SETBP1: variants seen among roughly 807,000 people sequenced by gnomAD.
The protein encoded by SETBP1 is SET-binding protein.
In SETBP1, 9 loss-of-function variants were observed where a neutral mutation model predicts 101.0. That is an observed-to-expected ratio of 0.09 (90% CI 0.05 to 0.16). The LOEUF (loss-of-function observed/expected upper bound fraction) is 0.16, where lower values mean the gene tolerates loss of function less well. Among genes scored for constraint, SETBP1 ranks in the 10% least tolerant of loss-of-function variants. The pLI is 1.00. For synonymous variants in SETBP1, 818 were observed against 788.5 expected, an observed-to-expected ratio of 1.04 and a Z score of -0.63; for missense variants, 1,858 against 2,033.8, an observed-to-expected ratio of 0.91 and a Z score of 1.66.
chr18:44,778,174 T>C (rs2144667098), intron 2 of SETBP1, among the ~76,000 whole-genome samples: 1 of 152,278 alleles, frequency 6.6e-6, no homozygotes, highest in Admixed American at 6.5e-5. Context: ...GATACTGAGC[T>C]GGCCTTGTAT....
intron 3 of SETBP1, among the ~76,000 whole-genome samples, chr18:44,875,527 C>CAAAAAAA (rs10645515): frequency 7.3e-4 from 45 of 61,510 alleles, no homozygotes; most frequent in South Asian, 1.9e-3. Context: ...GACTCCATCT[C>CAAAAAAA]AAAAAAAAAA....
chr18:45,055,106 T>C (rs2073786853), intron 5 of SETBP1, among the ~76,000 whole-genome samples: 2 of 152,180 alleles, frequency 1.3e-5, no homozygotes, highest in Admixed American at 1.3e-4. Context: ...TGTTCTTTGT[T>C]TTGAAGGGTA....
At position 45,068,152 on chromosome 18, in the gene SETBP1, A is replaced by T. The variant is rs764468137; in HGVS notation, c.*4454A>T. ...CATGTTCTACTTTGATTGTATGTAAACATATTTTAGAACAAAAAATGTATT... is the reference window on the plus strand; with the variant it reads ...CATGTTCTACTTTGATTGTATGTAATCATATTTTAGAACAAAAAATGTATT... On this transcript the variant is annotated 3_prime_UTR_variant, in exon 6 of 6. Coordinates refer to ENST00000649279, the MANE Select transcript of SETBP1 (RefSeq NM_015559.3). 1 of 152,214 alleles carries T rather than the reference A, an allele frequency of 6.6e-6. No individual in the cohort carries two copies. The highest frequency in any genetic ancestry group is 1.5e-5 in the Non-Finnish European group (1 of 68,036). The allele number at this position is 152,214 out of a possible 1,614,324, so 9.4% of individuals were successfully genotyped here.
At chr18:45,026,520 A>G in intron 4 of SETBP1, among the ~76,000 whole-genome samples, 1 of 152,210 alleles carries the variant, frequency 6.6e-6, no homozygotes, top group East Asian at 1.9e-4. Context: ...GTTCAGCAAT[A>G]GCCTGTAACA....
chr18:44,810,524 C>A (rs1230373942), intron 2 of SETBP1, among the ~76,000 whole-genome samples: 1 of 152,142 alleles, frequency 6.6e-6, no homozygotes, highest in Non-Finnish European at 1.5e-5. Flanking sequence ...AATAATGGAA[C>A]CCCCAAACAG....
chr18:44,888,539 A>G (rs1047976860), intron 3 of SETBP1, among the ~76,000 whole-genome samples: 12 of 152,160 alleles, frequency 7.9e-5, no homozygotes, highest in African/African-American at 2.9e-4. Context: ...GTAGCAGATA[A>G]GAAAGCTTTG....
chr18:44,859,353 T>TG (rs2073033152), intron 2 of SETBP1, among the ~76,000 whole-genome samples: 1 of 152,052 alleles, frequency 6.6e-6, no homozygotes, highest in Non-Finnish European at 1.5e-5. Flanking sequence ...GAGGCATGGC[T>TG]GGCAGTGGTA....
chr18:44,956,491 A>G (rs1304976625), intron 4 of SETBP1, among the ~76,000 whole-genome samples: 9 of 152,012 alleles, frequency 5.9e-5, no homozygotes, highest in Admixed American at 5.3e-4. Flanking sequence ...GAGGGTCATG[A>G]TTGGAAATAA....
At chr18:44,851,938 C>T (rs1175656894) in intron 2 of SETBP1, among the ~76,000 whole-genome samples, 1 of 152,230 alleles carries the variant, frequency 6.6e-6, no homozygotes, top group East Asian at 1.9e-4. Context: ...TGAGTGCCAA[C>T]AGCTGCCTGC....
At chr18:44,776,999 T>C (rs954375063) in intron 2 of SETBP1, among the ~76,000 whole-genome samples, 1 of 152,166 alleles carries the variant, frequency 6.6e-6, no homozygotes, top group Non-Finnish European at 1.5e-5. Context: ...GCAGAGATGC[T>C]TTAGAGGCCA....
chr18:44,875,388 C>T (rs776938201), intron 3 of SETBP1, among the ~76,000 whole-genome samples: 4 of 151,910 alleles, frequency 2.6e-5, no homozygotes, highest in South Asian at 2.1e-4. Flanking sequence ...CGTGGTGCTG[C>T]GTGCCTGTAG....
chr18:44,982,119 G>T (rs1349588983), intron 4 of SETBP1, among the ~76,000 whole-genome samples: 1 of 152,236 alleles, frequency 6.6e-6, no homozygotes, highest in African/African-American at 2.4e-5. Context: ...AACTGAAGTT[G>T]CTGTAGAGTA....
chr18:44,688,696 G>A (rs531347543), intron 1 of SETBP1, among the ~76,000 whole-genome samples: 8 of 151,916 alleles, frequency 5.3e-5, no homozygotes, highest in Non-Finnish European at 1.0e-4. Context: ...CTCATGATCC[G>A]CCTGCCTCGG....
chr18:44,731,159 CG>C (rs2069830046), intron 2 of SETBP1, among the ~76,000 whole-genome samples: 1 of 152,108 alleles, frequency 6.6e-6, no homozygotes, highest in African/African-American at 2.4e-5. Context: ...TGGCAGGTCT[CG>C]GGGTAGTTGG....
chr18:44,834,795 A>G (rs1181385113), intron 2 of SETBP1, among the ~76,000 whole-genome samples: 3 of 152,212 alleles, frequency 2.0e-5, no homozygotes, highest in Non-Finnish European at 2.9e-5. Flanking sequence ...ATACAACCAG[A>G]TACCTTTGTT....
chr18:44,860,522 A>G (rs1166639553), intron 2 of SETBP1, among the ~76,000 whole-genome samples: 1 of 152,162 alleles, frequency 6.6e-6, no homozygotes, highest in Admixed American at 6.5e-5. Flanking sequence ...CAAGGTGGGC[A>G]GATCACCTGA....
At chr18:44,750,759 G>A (rs2070364323) in intron 2 of SETBP1, among the ~76,000 whole-genome samples, 1 of 152,164 alleles carries the variant, frequency 6.6e-6, no homozygotes. Flanking sequence ...GGGAAGACAT[G>A]ACCCCTGCTC....
chr18:44,783,784 G>A (rs540922428), intron 2 of SETBP1, among the ~76,000 whole-genome samples: 1 of 152,224 alleles, frequency 6.6e-6, no homozygotes, highest in Admixed American at 6.5e-5. Context: ...ACTTGTCCAA[G>A]ATTGAAAAAC....
intron 5 of SETBP1, among the ~76,000 whole-genome samples, chr18:45,057,024 A>G (rs1281154233): frequency 6.6e-6 from 1 of 152,196 alleles, no homozygotes; most frequent in African/African-American, 2.4e-5. Context: ...GTATGTTAAG[A>G]TGATATTAAG....
Sources: allele counts gnomAD v4.1 joint callset (sites outside exome capture counted in the v4.1 genomes callset), GRCh38; gene constraint gnomAD v4.1.1; transcripts MANE v1.5; gene names NCBI Gene and HGNC (gene_info 2026-07-23, HGNC 2026-07-21).